The following PARVA variants were observed in gnomAD, a reference collection of about 807,000 sequenced individuals.
The protein encoded by PARVA is alpha-parvin.
Under a neutral mutation model 52.6 loss-of-function variants are expected in PARVA, and 25 were observed. The observed-to-expected ratio is 0.48, with a 90% confidence interval of 0.35 to 0.66. The LOEUF is 0.66. PARVA is among the 30% of genes least tolerant of loss of function. The pLI, the probability that PARVA is intolerant of heterozygous loss-of-function variation, is 0.01. For synonymous variants in PARVA, 185 were observed against 179.1 expected (o/e 1.03, Z -0.26); for missense variants, 373 against 450.9 (o/e 0.83, Z 1.56).
At chr11:12,431,359 C>G (rs1940313661) in intron 1 of PARVA, among the ~76,000 whole-genome samples, 1 of 152,216 alleles carries the variant, frequency 6.6e-6, no homozygotes, top group Non-Finnish European at 1.5e-5. Flanking sequence ...ACTTAACACC[C>G]TGTGCATTCA....
At chr11:12,376,601 A>T, upstream of PARVA, 2 of 217,036 alleles carry the variant, frequency 9.2e-6, no homozygotes, top group Non-Finnish European at 7.8e-6. Flanking sequence ...CCTTTGGATT[A>T]GGTGTTCACC....
At chr11:12,520,483 C>T (rs1261902930) in intron 12 of PARVA, among the ~76,000 whole-genome samples, 1 of 152,146 alleles carries the variant, frequency 6.6e-6, no homozygotes, top group African/African-American at 2.4e-5. Flanking sequence ...TTTTTAAGGT[C>T]AGGAAAATGC....
At chr11:12,443,397 C>T (rs1940497763) in intron 1 of PARVA, among the ~76,000 whole-genome samples, 1 of 151,616 alleles carries the variant, frequency 6.6e-6, no homozygotes, top group Non-Finnish European at 1.5e-5. Context: ...GTCTCAATCT[C>T]CTGACCTCAT....
chr11:12,522,814 T>C (rs4756916), intron 12 of PARVA, among the ~76,000 whole-genome samples: 82,689 of 150,718 alleles, frequency 0.55, 23,629 homozygotes, highest in Non-Finnish European at 0.62. Context: ...AGACAGCTCA[T>C]GTAACAACAT....
intron 1 of PARVA, chr11:12,452,659 C>G (rs2135015656): frequency 1.1e-5 from 2 of 184,864 alleles, no homozygotes; most frequent in East Asian, 1.3e-4. Flanking sequence ...CCAGCCTTCA[C>G]CCCTACCCTG....
chr11:12,409,986 G>A (rs1265058230), intron 1 of PARVA, among the ~76,000 whole-genome samples: 1 of 152,196 alleles, frequency 6.6e-6, no homozygotes, highest in Non-Finnish European at 1.5e-5. Flanking sequence ...CTTTTGCAGA[G>A]TTGACTATCT....
At chr11:12,508,793 C>G in intron 7 of PARVA, 151 bp downstream of exon 7, 2 of 663,974 alleles carry the variant, frequency 3.0e-6, no homozygotes, top group South Asian at 3.4e-5. Flanking sequence ...CTTTTCCATG[C>G]ATTCAAAACA....
At chr11:12,405,470 G>A (rs10831808) in intron 1 of PARVA, among the ~76,000 whole-genome samples, 54,459 of 151,880 alleles carry the variant, frequency 0.36, 10,560 homozygotes, top group East Asian at 0.5. Context: ...GAGGCTGAGC[G>A]GGAGGATCAC....
chr11:12,376,697 A>G (rs2134934801), upstream of PARVA: 1 of 982,680 alleles, frequency 1.0e-6, no homozygotes, highest in South Asian at 4.7e-5. Flanking sequence ...TGAGAGACAG[A>G]CAGAAGGACA....
intron 1 of PARVA, among the ~76,000 whole-genome samples, chr11:12,435,428 T>G (rs1323841478): frequency 1.3e-5 from 2 of 152,200 alleles, no homozygotes; most frequent in African/African-American, 4.8e-5. Flanking sequence ...TCAACACAGA[T>G]GAGATGTGAA....
rs201333532 is a variant in PARVA at position 12,409,676 on chromosome 11, T to TG, written c.136+31895dup. On this transcript the variant is annotated intron_variant, in intron 1 of 12. Transcript: ENST00000334956. ...CTAGAAGATGGGAAAGGCAAGGAAA[T>TG]GGATTCTCCCCTAGAGCCCTCAGAA... is the stretch of plus-strand genomic sequence containing the variant. 6.5e-4 allele frequency among the ~76,000 whole-genome samples: 99 copies of TG among 152,252 alleles called. 2 individuals are homozygous for TG. In the East Asian group the frequency reaches 0.016, roughly 25 times the overall value.
At chr11:12,403,553 G>T (rs561326854) in intron 1 of PARVA, among the ~76,000 whole-genome samples, 1 of 152,348 alleles carries the variant, frequency 6.6e-6, no homozygotes, top group East Asian at 1.9e-4. Flanking sequence ...GTTTAGTTAT[G>T]AGGAGAAACT....
chr11:12,464,610 T>C (rs1564853595), intron 1 of PARVA, among the ~76,000 whole-genome samples: 1 of 152,238 alleles, frequency 6.6e-6, no homozygotes, highest in Non-Finnish European at 1.5e-5. Flanking sequence ...CATACATTTG[T>C]AATACAGTTA....
intron 1 of PARVA, among the ~76,000 whole-genome samples, chr11:12,448,854 G>C (rs759299424): frequency 6.6e-6 from 1 of 152,150 alleles, no homozygotes; most frequent in Non-Finnish European, 1.5e-5. Flanking sequence ...AGCAGACGTT[G>C]CTCCAATGTT....
chr11:12,523,156 A>C (rs1288394824), intron 12 of PARVA, among the ~76,000 whole-genome samples: 1 of 152,216 alleles, frequency 6.6e-6, no homozygotes, highest in African/African-American at 2.4e-5. Flanking sequence ...GCAAATGGCA[A>C]ACTCACCACC....
intron 1 of PARVA, among the ~76,000 whole-genome samples, chr11:12,391,205 AGGG>A (rs1939653513): frequency 6.6e-6 from 1 of 152,212 alleles, no homozygotes. Flanking sequence ...TGGCCCTGCC[AGGG>A]TGGATGTTAG....
intron 10 of PARVA, among the ~76,000 whole-genome samples, chr11:12,515,918 C>T (rs554207584): frequency 3.9e-4 from 59 of 152,298 alleles, no homozygotes; most frequent in African/African-American, 1.4e-3. Flanking sequence ...CTTACTGCAT[C>T]CTCAACTTCC....
At chr11:12,378,635 C>A (rs1171170469) in intron 1 of PARVA, among the ~76,000 whole-genome samples, 1 of 142,992 alleles carries the variant, frequency 7.0e-6, no homozygotes, top group Non-Finnish European at 1.5e-5. Context: ...TTCCCATGCA[C>A]AGATTTTGCG....
intron 4 of PARVA, among the ~76,000 whole-genome samples, chr11:12,482,721 TCATGTCTTA>T (rs757043992): frequency 2.8e-4 from 42 of 151,984 alleles, no homozygotes; most frequent in Non-Finnish European, 5.3e-4. Context: ...AAGAACAAAG[TCATGTCTTA>T]CATGGCGGCA....
Sources: gnomAD v4.1 joint callset for allele counts (sites outside exome capture counted in the v4.1 genomes callset) on GRCh38, gnomAD v4.1.1 for gene constraint, MANE v1.5 for transcripts, NCBI Gene and HGNC (gene_info 2026-07-23, HGNC 2026-07-21) for gene names.